RBFOX1: variants seen among roughly 807,000 people sequenced by gnomAD.
The protein encoded by RBFOX1 is RNA binding protein fox-1 homolog 1.
A neutral mutation model predicts 57.7 loss-of-function variants in RBFOX1; 8 were observed. That is an observed-to-expected ratio of 0.14 (90% CI 0.08 to 0.25). The LOEUF is 0.25. RBFOX1 is among the 10% of genes least tolerant of loss of function. The probability of loss-of-function intolerance (pLI) is 1.00; values close to 1 mark genes in which losing one functional copy is unlikely to be tolerated. For missense variants in RBFOX1, 611 were observed against 548.5 expected (o/e 1.11, Z -1.14); for synonymous variants, 326 against 222.4 (o/e 1.47, Z -4.15).
chr16:7,663,330 G>A (rs939088778), intron 12 of RBFOX1, among the ~76,000 whole-genome samples: 2 of 152,182 alleles, frequency 1.3e-5, no homozygotes, highest in Non-Finnish European at 2.9e-5. Context: ...GATCAAATAT[G>A]AACAACAGCT....
Position 7,106,658 on chromosome 16 carries a change from A to G in RBFOX1, c.27+54560A>G, listed in dbSNP as rs77010408. On this transcript the variant is annotated intron_variant, in intron 4 of 15. Transcript: ENST00000550418. ...TATTTCTTGTGTAATGATTTGATTT[A>G]ATTCAAACATTGTGGAAATCCTACG... Among the ~76,000 whole-genome samples, 956 of 152,204 alleles carry G rather than the reference A, an allele frequency of 6.3e-3. 11 individuals carry two copies. The highest frequency in any genetic ancestry group is 0.022 in the African/African-American group (906 of 41,524).
chr16:5,900,700 C>A (rs182328463), intron 4 of RBFOX1, among the ~76,000 whole-genome samples: 1 of 152,096 alleles, frequency 6.6e-6, no homozygotes, highest in Non-Finnish European at 1.5e-5. Context: ...GCAAGTCATG[C>A]GGGGTTCTTG....
At chr16:5,773,719 A>C (rs1303848315) in intron 3 of RBFOX1, among the ~76,000 whole-genome samples, 1 of 152,074 alleles carries the variant, frequency 6.6e-6, no homozygotes, top group Admixed American at 6.6e-5. Context: ...TATTTTTGAG[A>C]CAGAGTCTCG....
In RBFOX1 at chr16:5,521,703, G is replaced by T. The variant is rs116329352; in HGVS notation, c.258+54449G>T. Among the ~76,000 whole-genome samples the T allele has an allele frequency of 8.7e-3, 1,322 of 152,288 alleles. 28 individuals are homozygous for T. The highest frequency in any genetic ancestry group is 0.03 in the African/African-American group (1,236 of 41,548). ...TGCTGCAGATCTCCCTGGGAGTTACGTCTGAGCCCAAGACTTGGTTAGGGA... is the reference window on the plus strand; with the variant it reads ...TGCTGCAGATCTCCCTGGGAGTTACTTCTGAGCCCAAGACTTGGTTAGGGA... On this transcript the variant is annotated intron_variant, in intron 2 of 2. Transcript: ENST00000585867.
At chr16:6,384,235 G>A (rs2092077910) in intron 2 of RBFOX1, among the ~76,000 whole-genome samples, 1 of 152,174 alleles carries the variant, frequency 6.6e-6, no homozygotes, top group South Asian at 2.1e-4. Context: ...TGCAAGAGTT[G>A]AGTGCTACCT....
At chr16:5,873,739 C>A (rs2057536891) in intron 4 of RBFOX1, among the ~76,000 whole-genome samples, 1 of 152,046 alleles carries the variant, frequency 6.6e-6, no homozygotes, top group East Asian at 1.9e-4. Context: ...AAAACTGTCC[C>A]CATAAGGCTT....
chr16:6,232,418 GA>G (rs2097470033), intron 1 of RBFOX1, among the ~76,000 whole-genome samples: 1 of 152,206 alleles, frequency 6.6e-6, no homozygotes, highest in Non-Finnish European at 1.5e-5. Context: ...AATGAGAGTA[GA>G]ATGTTTCAGC....
chr16:6,218,509 C>G (rs1163309719), intron 1 of RBFOX1, among the ~76,000 whole-genome samples: 1 of 151,988 alleles, frequency 6.6e-6, no homozygotes, highest in African/African-American at 2.4e-5. Context: ...GGGATTCTAC[C>G]CTGTTTGCCA....
At chr16:6,904,701 C>T (rs562752137) in intron 3 of RBFOX1, among the ~76,000 whole-genome samples, 11 of 150,926 alleles carry the variant, frequency 7.3e-5, no homozygotes, top group South Asian at 2.1e-4. Flanking sequence ...TTTTTCCCGT[C>T]AGTTTCTCCT....
At chr16:7,543,041 A>G (rs189425439) in intron 5 of RBFOX1, among the ~76,000 whole-genome samples, 1 of 151,874 alleles carries the variant, frequency 6.6e-6, no homozygotes, top group East Asian at 1.9e-4. Flanking sequence ...CCAGGTTCTG[A>G]ACAATCCTAT....
intron 1 of RBFOX1, among the ~76,000 whole-genome samples, chr16:6,071,928 C>T (rs188302201): frequency 6.6e-6 from 1 of 152,312 alleles, no homozygotes; most frequent in East Asian, 1.9e-4. Flanking sequence ...TTCTTTAAGG[C>T]TGAATAATAT....
chr16:7,513,831 G>A (rs926058267), intron 4 of RBFOX1, among the ~76,000 whole-genome samples: 1 of 152,136 alleles, frequency 6.6e-6, no homozygotes, highest in Non-Finnish European at 1.5e-5. Context: ...CAGATTTAAA[G>A]CCTGTGTGCC....
chr16:7,044,937 C>T (rs1456734852), intron 3 of RBFOX1, among the ~76,000 whole-genome samples: 1 of 152,142 alleles, frequency 6.6e-6, no homozygotes, highest in Non-Finnish European at 1.5e-5. Context: ...CAATAACTTA[C>T]TGAGTCTTCC....
intron 5 of RBFOX1, among the ~76,000 whole-genome samples, chr16:7,563,722 C>A (rs375505716): frequency 1.3e-5 from 2 of 152,130 alleles, no homozygotes; most frequent in East Asian, 1.9e-4. Context: ...CCCACCTCGG[C>A]CTCCCAAAGT....
chr16:5,777,327 T>C (rs1405488955), intron 3 of RBFOX1, among the ~76,000 whole-genome samples: 1 of 152,218 alleles, frequency 6.6e-6, no homozygotes, highest in African/African-American at 2.4e-5. Flanking sequence ...TGCCTTCTTC[T>C]GAAGGGACCC....
At chr16:7,017,870 G>A (rs1329747584) in intron 3 of RBFOX1, among the ~76,000 whole-genome samples, 5 of 152,152 alleles carry the variant, frequency 3.3e-5, no homozygotes, top group Non-Finnish European at 5.9e-5. Context: ...GAGAATTGGA[G>A]TCTTCGAGGC....
rs1417782138 is a variant in RBFOX1 at position 5,929,373 on chromosome 16, A to T, written c.351+62038A>T. ...ACCACCCCCAAGCATTATAAATGTAATGTCTGAGAATCATGGTTCTGGAAA... is the reference window on the plus strand; with the variant it reads ...ACCACCCCCAAGCATTATAAATGTATTGTCTGAGAATCATGGTTCTGGAAA... On this transcript the variant is annotated intron_variant, in intron 4 of 19. Transcript: ENST00000641259. Among the ~76,000 whole-genome samples the T allele has an allele frequency of 2.0e-5, 3 of 151,960 alleles. No individual in the cohort carries two copies. The East Asian group carries it at 5.8e-4, about 29-fold the overall frequency.
intron 3 of RBFOX1, among the ~76,000 whole-genome samples, chr16:5,642,322 C>G (rs545234752): frequency 1.2e-4 from 19 of 152,214 alleles, no homozygotes; most frequent in African/African-American, 4.1e-4. Context: ...GCGAATTACC[C>G]GAAATACATG....
chr16:6,832,317 G>T (rs573284823), intron 3 of RBFOX1, among the ~76,000 whole-genome samples: 1 of 152,200 alleles, frequency 6.6e-6, no homozygotes, highest in African/African-American at 2.4e-5. Context: ...GTTGGAGACA[G>T]TGTTACTCAT....
Sources: gnomAD v4.1 joint callset for allele counts (sites outside exome capture counted in the v4.1 genomes callset) on GRCh38, gnomAD v4.1.1 for gene constraint, MANE v1.5 for transcripts, NCBI Gene and HGNC (gene_info 2026-07-23, HGNC 2026-07-21) for gene names.